ARL15: variants seen among roughly 807,000 people sequenced by gnomAD.
ARL15 encodes the protein ARF like GTPase 15, also known as ADP-ribosylation factor-like protein 15.
ARL15 carries 19 observed loss-of-function variants against 25.2 expected under a neutral mutation model. The ratio of observed to expected loss-of-function variants is 0.75; its 90% CI spans 0.53 to 1.10. The LOEUF (loss-of-function observed/expected upper bound fraction) is 1.10, where lower values mean the gene tolerates loss of function less well. Ranked by LOEUF, ARL15 falls within the 50% of genes least tolerant of loss-of-function variation. The pLI, the probability that ARL15 is intolerant of heterozygous loss-of-function variation, is 0.00. For synonymous variants in ARL15, 94 were observed against 86.8 expected, an observed-to-expected ratio of 1.08 and a Z score of -0.46; for missense variants, 220 against 246.0, an observed-to-expected ratio of 0.89 and a Z score of 0.71.
chr5:54,049,461 T>C (rs368671819), intron 4 of ARL15, among the ~76,000 whole-genome samples: 3 of 152,126 alleles, frequency 2.0e-5, no homozygotes, highest in Non-Finnish European at 4.4e-5. Flanking sequence ...ATATACATCT[T>C]AAAGGATATA....
chr5:54,186,888 T>TG (rs1755256389), intron 1 of ARL15, among the ~76,000 whole-genome samples: 1 of 140,344 alleles, frequency 7.1e-6, no homozygotes, highest in Admixed American at 7.1e-5. Flanking sequence ...TTTTTTTTTT[T>TG]GTCAAACAAA....
chr5:54,064,674 G>A (rs1751163851), intron 4 of ARL15, among the ~76,000 whole-genome samples: 1 of 151,914 alleles, frequency 6.6e-6, no homozygotes, highest in East Asian at 1.9e-4. Flanking sequence ...TGGAAGGTAG[G>A]GATAATATTT....
intron 3 of ARL15, among the ~76,000 whole-genome samples, chr5:54,142,469 C>G (rs975048449): frequency 1.3e-5 from 2 of 152,098 alleles, no homozygotes; most frequent in African/African-American, 4.8e-5. Flanking sequence ...AAGTAAAGAT[C>G]AGTCAGAAAG....
rs532462964 is a variant in ARL15, at chr5:54,252,680, T to C, written c.48+57752A>G. Among the ~76,000 whole-genome samples, 7 of 152,254 alleles carry C rather than the reference T, an allele frequency of 4.6e-5. No individual in the cohort carries two copies. In the South Asian group the frequency reaches 1.5e-3, roughly 32 times the overall value. On this transcript the variant is annotated intron_variant, in intron 1 of 4. Coordinates refer to ENST00000504924, the MANE Select transcript of ARL15 (RefSeq NM_019087.3). Reference sequence around the variant, plus strand: ...GACTGCAGCCAGGGACACTTCCAAGTTGCCTTAGGGGGTGCTCCAGAGAAC... The same window carrying C: ...GACTGCAGCCAGGGACACTTCCAAGCTGCCTTAGGGGGTGCTCCAGAGAAC...
chr5:53,950,486 C>T (rs1746908956), intron 4 of ARL15, among the ~76,000 whole-genome samples: 1 of 152,142 alleles, frequency 6.6e-6, no homozygotes, highest in South Asian at 2.1e-4. Context: ...TAAGCTAACA[C>T]AATCTACTCA....
At position 54,161,515 on chromosome 5, in the gene ARL15, C is replaced by T. The variant is rs530489107; in HGVS notation, c.194-6876G>A. On this transcript the variant is annotated intron_variant, in intron 2 of 4. Coordinates refer to ENST00000504924, the MANE Select transcript of ARL15 (RefSeq NM_019087.3). ...TTGGTAAATTTAAGTATAAAACTAA[C>T]GTTTACTTATCTATTCTCTAGTAAA... Among the ~76,000 whole-genome samples, 51 of 152,204 alleles carry T rather than the reference C, an allele frequency of 3.4e-4. 1 individual carries two copies. The South Asian group carries it at 7.3e-3, about 22-fold the overall frequency.
At chr5:54,046,565 C>T (rs1198797678) in intron 4 of ARL15, among the ~76,000 whole-genome samples, 4 of 151,918 alleles carry the variant, frequency 2.6e-5, no homozygotes, top group African/African-American at 7.3e-5. Context: ...ATGCAAAATA[C>T]AAACCAGTTT....
chr5:54,249,920 T>C (rs2112596534), intron 1 of ARL15, among the ~76,000 whole-genome samples: 1 of 152,244 alleles, frequency 6.6e-6, no homozygotes, highest in Non-Finnish European at 1.5e-5. Context: ...AAGGGTCCTG[T>C]GGAGAATATA....
intron 1 of ARL15, among the ~76,000 whole-genome samples, chr5:54,190,129 C>T (rs779387695): frequency 1.3e-5 from 2 of 152,132 alleles, no homozygotes; most frequent in South Asian, 2.1e-4. Context: ...TGGTGGCTCA[C>T]GCCTGTAATT....
chr5:54,295,816 C>T (rs761914186), intron 1 of ARL15, among the ~76,000 whole-genome samples: 5 of 152,178 alleles, frequency 3.3e-5, no homozygotes, highest in African/African-American at 7.2e-5. Flanking sequence ...CTCTACCATA[C>T]CCTGCCTCTC....
At chr5:54,137,976 G>T (rs1345878510) in intron 3 of ARL15, among the ~76,000 whole-genome samples, 2 of 151,998 alleles carry the variant, frequency 1.3e-5, no homozygotes, top group African/African-American at 4.8e-5. Flanking sequence ...GTCAAAGTAT[G>T]CCTTAGAAAT....
chr5:54,111,126 T>C (rs115628029), intron 4 of ARL15, among the ~76,000 whole-genome samples: 1,617 of 152,122 alleles, frequency 0.011, 22 homozygotes, highest in Middle Eastern at 0.041. Flanking sequence ...ATGGTATATG[T>C]TTATTTAATT....
intron 1 of ARL15, among the ~76,000 whole-genome samples, chr5:54,231,441 C>T (rs1404226781): frequency 2.0e-5 from 3 of 152,192 alleles, no homozygotes; most frequent in Non-Finnish European, 4.4e-5. Context: ...CCATCCCTCA[C>T]ACTTCACCTT....
At chr5:54,012,547 G>A (rs1466938428) in intron 4 of ARL15, among the ~76,000 whole-genome samples, 7 of 147,222 alleles carry the variant, frequency 4.8e-5, no homozygotes, top group Admixed American at 2.0e-4. Context: ...TTTTTGAGAC[G>A]AGGTTTTGCT....
intron 1 of ARL15, among the ~76,000 whole-genome samples, chr5:54,227,974 GA>G (rs1464070568): frequency 3.3e-5 from 5 of 152,138 alleles, no homozygotes; most frequent in Non-Finnish European, 7.3e-5. Flanking sequence ...GGATGGGTTG[GA>G]AAAAACCACA....
intron 1 of ARL15, among the ~76,000 whole-genome samples, chr5:54,299,273 T>C (rs909333778): frequency 6.6e-6 from 1 of 152,182 alleles, no homozygotes; most frequent in African/African-American, 2.4e-5. Flanking sequence ...ACGCCAGCAG[T>C]GGCTGAGGCC....
intron 3 of ARL15, among the ~76,000 whole-genome samples, chr5:54,138,566 T>C (rs558741608): frequency 8.5e-5 from 13 of 152,214 alleles, no homozygotes; most frequent in African/African-American, 2.9e-4. Flanking sequence ...CTGTAAGAAT[T>C]CTAGAAGAAA....
At chr5:54,105,915 A>G (rs1752576328) in intron 4 of ARL15, among the ~76,000 whole-genome samples, 1 of 152,210 alleles carries the variant, frequency 6.6e-6, no homozygotes. Flanking sequence ...ATTATGTACC[A>G]GTCTCTATGT....
intron 4 of ARL15, among the ~76,000 whole-genome samples, chr5:53,914,452 T>C (rs1745567468): frequency 6.6e-6 from 1 of 152,194 alleles, no homozygotes; most frequent in Non-Finnish European, 1.5e-5. Flanking sequence ...GGAACCTCCT[T>C]CCCTTCCCCT....
Sources: gnomAD v4.1 joint callset for allele counts (sites outside exome capture counted in the v4.1 genomes callset) on GRCh38, gnomAD v4.1.1 for gene constraint, MANE v1.5 for transcripts, NCBI Gene and HGNC (gene_info 2026-07-23, HGNC 2026-07-21) for gene names.